Variants in ARHGAP15 observed in about 807,000 individuals in gnomAD.
ARHGAP15 encodes the protein Rho GTPase activating protein 15.
ARHGAP15 carries 51 observed loss-of-function variants against 63.7 expected under a neutral mutation model. That is an observed-to-expected ratio of 0.80 (90% CI 0.64 to 1.01). The LOEUF is 1.01. ARHGAP15 is among the 50% of genes least tolerant of loss of function. ARHGAP15 has a pLI of 0.00. For synonymous variants in ARHGAP15, 191 were observed against 193.8 expected, an observed-to-expected ratio of 0.99 and a Z score of 0.12; for missense variants, 560 against 564.6, an observed-to-expected ratio of 0.99 and a Z score of 0.08.
chr2:143,550,960 A>G (rs1250488665), intron 10 of ARHGAP15, among the ~76,000 whole-genome samples: 1 of 152,182 alleles, frequency 6.6e-6, no homozygotes, highest in Non-Finnish European at 1.5e-5. Context: ...TAGCTCAGAG[A>G]TAATTTGATA....
chr2:143,655,734 C>T (rs1681400089), intron 12 of ARHGAP15, among the ~76,000 whole-genome samples: 1 of 151,824 alleles, frequency 6.6e-6, no homozygotes, highest in African/African-American at 2.4e-5. Flanking sequence ...GTACATAGAC[C>T]AAAAACAAGA....
intron 6 of ARHGAP15, among the ~76,000 whole-genome samples, chr2:143,394,936 A>G (rs999238511): frequency 6.6e-6 from 1 of 152,144 alleles, no homozygotes; most frequent in Non-Finnish European, 1.5e-5. Flanking sequence ...AAAAAATTTG[A>G]AAGTGGTCGA....
intron 2 of ARHGAP15, among the ~76,000 whole-genome samples, chr2:143,198,017 C>T (rs1691953043): frequency 6.6e-6 from 1 of 151,378 alleles, no homozygotes; most frequent in Non-Finnish European, 1.5e-5. Context: ...GCTGGAGAAA[C>T]AATAAAGTGT....
intron 6 of ARHGAP15, among the ~76,000 whole-genome samples, chr2:143,330,198 T>C (rs1558898226): frequency 6.7e-6 from 1 of 149,230 alleles, no homozygotes; most frequent in Non-Finnish European, 1.5e-5. Flanking sequence ...ACTTCAATGT[T>C]TAGTGTTTAT....
In ARHGAP15 at chr2:143,202,142, A is replaced by G; in HGVS notation, c.174A>G (p.Arg58=). 6.2e-7 allele frequency: 1 copy of G among 1,611,662 alleles called. No individual in the cohort carries two copies. The change falls in exon 3 of 14, where the codon AGA becomes AGG. Residue 58 remains arginine, a synonymous_variant. Transcript: ENST00000295095. The stretch of plus-strand genomic sequence containing the variant: ...TGTCAATATATTTGCAGATATCCAG[A>G]CACAGAAGGAATCATTCACAGCATA... The part of the protein sequence containing the change: ...DVGKVTEPIS[R]HRRNHSQHIL...
intron 6 of ARHGAP15, among the ~76,000 whole-genome samples, chr2:143,300,983 CTT>C (rs1299746823): frequency 1.3e-5 from 2 of 151,810 alleles, no homozygotes; most frequent in African/African-American, 4.8e-5. Context: ...TCTGACTACA[CTT>C]TTTTTTCTAT....
rs1447080674 is a variant in ARHGAP15, at chr2:143,256,481, TAATC to T, written c.474+5885_474+5888del. Among the ~76,000 whole-genome samples, 18 of 152,134 alleles carry T rather than the reference TAATC, an allele frequency of 1.2e-4. No individual in the cohort carries two copies. The South Asian group carries it at 2.7e-3, about 23-fold the overall frequency. ...GGCATTAATGTAATATCCAATTAAT[TAATC>T]AATGACATATTCAAATTAATACTTA... On this transcript the variant is annotated intron_variant, in intron 6 of 13. Coordinates refer to ENST00000295095, the MANE Select transcript of ARHGAP15 (RefSeq NM_018460.4).
chr2:143,202,234 A>G, intron 3 of ARHGAP15, 32 bp downstream of exon 3: 1 of 1,544,040 alleles, frequency 6.5e-7, no homozygotes, highest in Non-Finnish European at 8.9e-7. Context: ...TTCTTCATCT[A>G]CTGATACAAA....
intron 5 of ARHGAP15, among the ~76,000 whole-genome samples, chr2:143,229,334 C>G (rs933259532): frequency 1.3e-5 from 2 of 152,160 alleles, no homozygotes; most frequent in African/African-American, 4.8e-5. Flanking sequence ...ATGACTCCAT[C>G]TAATGGAGCT....
chr2:143,232,613 C>T (rs1574127099), intron 5 of ARHGAP15, among the ~76,000 whole-genome samples: 1 of 152,208 alleles, frequency 6.6e-6, no homozygotes, highest in African/African-American at 2.4e-5. Context: ...AAGCACTACC[C>T]AGGATGAGTT....
chr2:143,605,346 G>C (rs138919311), intron 11 of ARHGAP15, among the ~76,000 whole-genome samples: 2 of 152,172 alleles, frequency 1.3e-5, no homozygotes, highest in African/African-American at 4.8e-5. Flanking sequence ...CAGCGCCATA[G>C]CTGAATTCTC....
At chr2:143,753,891 C>A (rs977481416) in intron 13 of ARHGAP15, among the ~76,000 whole-genome samples, 6 of 152,162 alleles carry the variant, frequency 3.9e-5, no homozygotes, top group Non-Finnish European at 5.9e-5. Context: ...CAATTACAGG[C>A]CCTTAAGTTC....
intron 6 of ARHGAP15, among the ~76,000 whole-genome samples, chr2:143,297,691 A>G (rs1682702778): frequency 6.6e-6 from 1 of 151,988 alleles, no homozygotes; most frequent in African/African-American, 2.4e-5. Context: ...TAGGAAAATT[A>G]AAAGGAAAAG....
At chr2:143,216,912 A>G (rs1462587770) in intron 4 of ARHGAP15, among the ~76,000 whole-genome samples, 1 of 152,224 alleles carries the variant, frequency 6.6e-6, no homozygotes, top group African/African-American at 2.4e-5. Context: ...TGAAAAGGGA[A>G]TAAGAACCTT....
intron 11 of ARHGAP15, among the ~76,000 whole-genome samples, chr2:143,594,968 C>T (rs982907462): frequency 6.6e-6 from 1 of 152,116 alleles, no homozygotes; most frequent in Non-Finnish European, 1.5e-5. Context: ...TAGGAAAAGA[C>T]ACAACCGTAC....
chr2:143,446,567 T>C (rs1335238225), intron 8 of ARHGAP15, among the ~76,000 whole-genome samples: 1 of 152,128 alleles, frequency 6.6e-6, no homozygotes, highest in Non-Finnish European at 1.5e-5. Flanking sequence ...CATTCCTGAG[T>C]GTGAGCCTGA....
At chr2:143,551,001 CAATG>C (rs1695538174) in intron 10 of ARHGAP15, among the ~76,000 whole-genome samples, 1 of 151,992 alleles carries the variant, frequency 6.6e-6, no homozygotes, top group African/African-American at 2.4e-5. Flanking sequence ...CAAATTAACT[CAATG>C]AAGAGAAAGA....
At chr2:143,523,594 G>A (rs890308726) in intron 10 of ARHGAP15, among the ~76,000 whole-genome samples, 1 of 151,938 alleles carries the variant, frequency 6.6e-6, no homozygotes, top group African/African-American at 2.4e-5. Flanking sequence ...TTATATAAGA[G>A]TAGTGTTAAC....
chr2:143,637,275 C>T (rs1680367100), intron 12 of ARHGAP15, among the ~76,000 whole-genome samples: 2 of 152,050 alleles, frequency 1.3e-5, no homozygotes, highest in Admixed American at 6.6e-5. Flanking sequence ...CTCACAATAT[C>T]TTCCTCTTAC....
Sources: allele counts gnomAD v4.1 joint callset (sites outside exome capture counted in the v4.1 genomes callset), GRCh38; gene constraint gnomAD v4.1.1; transcripts MANE v1.5; gene names NCBI Gene and HGNC (gene_info 2026-07-23, HGNC 2026-07-21).